RABGAP1L: variants seen among roughly 807,000 people sequenced by gnomAD.
RABGAP1L encodes the protein rab GTPase-activating protein 1-like.
A neutral mutation model predicts 137.7 loss-of-function variants in RABGAP1L; 63 were observed. The observed-to-expected ratio is 0.46, with a 90% CI of 0.37 to 0.56. RABGAP1L has a LOEUF of 0.56. RABGAP1L is among the 20% of genes least tolerant of loss of function. The pLI is 0.00. For synonymous variants in RABGAP1L, 431 were observed against 433.7 expected (o/e 0.99, Z 0.08); for missense variants, 1,095 against 1,244.0 (o/e 0.88, Z 1.80).
chr1:174,190,155 T>C (rs1361001643), intron 1 of RABGAP1L, among the ~76,000 whole-genome samples: 4 of 151,938 alleles, frequency 2.6e-5, no homozygotes, highest in Non-Finnish European at 5.9e-5. Context: ...ATACAAAAAT[T>C]AGCTGGGCAT....
At chr1:174,316,801 C>T (rs1389984212) in intron 11 of RABGAP1L, among the ~76,000 whole-genome samples, 1 of 152,088 alleles carries the variant, frequency 6.6e-6, no homozygotes, top group Admixed American at 6.6e-5. Context: ...AGTCAGGGAC[C>T]TTAGAATTCT....
At chr1:174,631,395 G>T in intron 13 of RABGAP1L, among the ~76,000 whole-genome samples, 1 of 127,010 alleles carries the variant, frequency 7.9e-6, no homozygotes. Flanking sequence ...GAGTTCTGTA[G>T]ATGTCTATTA....
chr1:174,527,919 T>TTA (rs397942853), intron 13 of RABGAP1L, among the ~76,000 whole-genome samples: 1 of 150,254 alleles, frequency 6.7e-6, no homozygotes, highest in South Asian at 2.1e-4. Context: ...TTTTTTTTTT[T>TTA]ACCTTATTTT....
chr1:174,537,866 C>G (rs1386566813), intron 13 of RABGAP1L, among the ~76,000 whole-genome samples: 4 of 152,116 alleles, frequency 2.6e-5, no homozygotes, highest in Admixed American at 6.5e-5. Flanking sequence ...CCATGAGTAT[C>G]AAGTGGCTTC....
intron 13 of RABGAP1L, among the ~76,000 whole-genome samples, chr1:174,541,921 C>G (rs1665490878): frequency 6.6e-6 from 1 of 152,192 alleles, no homozygotes; most frequent in African/African-American, 2.4e-5. Context: ...GTTGAACTAG[C>G]CTTGCATCCC....
intron 19 of RABGAP1L, among the ~76,000 whole-genome samples, chr1:174,831,593 A>T (rs952590436): frequency 4.7e-5 from 7 of 148,206 alleles, no homozygotes; most frequent in Non-Finnish European, 7.5e-5. Flanking sequence ...TCTTGTTTTA[A>T]TTCATCTCAA....
At chr1:174,739,166 C>G (rs1238610942) in intron 17 of RABGAP1L, among the ~76,000 whole-genome samples, 1 of 151,944 alleles carries the variant, frequency 6.6e-6, no homozygotes, top group Non-Finnish European at 1.5e-5. Context: ...TTGCTTGGCT[C>G]CTAATAAAGG....
intron 11 of RABGAP1L, among the ~76,000 whole-genome samples, chr1:174,359,049 T>C (rs1373883993): frequency 6.6e-6 from 1 of 152,228 alleles, no homozygotes; most frequent in Non-Finnish European, 1.5e-5. Context: ...AAGTAGGATT[T>C]AGCTAAGCCT....
intron 19 of RABGAP1L, among the ~76,000 whole-genome samples, chr1:174,824,704 G>A (rs1691393882): frequency 6.6e-6 from 1 of 151,988 alleles, no homozygotes; most frequent in African/African-American, 2.4e-5. Context: ...CTCCAACTCA[G>A]ATCCATTTAC....
rs1046137251 is a variant in RABGAP1L, at chr1:174,241,423, AAT to A, written c.543-57_543-56del. 1.2e-5 allele frequency: 14 copies of A among 1,210,050 alleles called. No homozygotes were observed. The African/African-American group carries it at 2.1e-4, about 19-fold the overall frequency. 75.0% of individuals were successfully genotyped at this position (1,210,050 alleles called of 1,614,324 possible). ...TTTTAAAAAAAAAAACCTAACTGGAAATATGTCTTTGTTCTTCGAGAATTAAT... is the reference window on the plus strand; with the variant it reads ...TTTTAAAAAAAAAAACCTAACTGGAAATGTCTTTGTTCTTCGAGAATTAAT... On this transcript the variant is annotated intron_variant, in intron 4 of 25. Transcript: ENST00000681986.
chr1:174,875,416 G>C (rs146256873), intron 19 of RABGAP1L: 1 of 489,856 alleles, frequency 2.0e-6, no homozygotes, highest in Non-Finnish European at 2.7e-6. Flanking sequence ...AGGCGCTGCT[G>C]AACTGCGGTT....
At chr1:174,436,562 G>A (rs1369415532) in intron 13 of RABGAP1L, among the ~76,000 whole-genome samples, 1 of 152,126 alleles carries the variant, frequency 6.6e-6, no homozygotes, top group East Asian at 1.9e-4. Flanking sequence ...TTAGCCCTTT[G>A]TCAGATGAGT....
chr1:174,721,199 C>G (rs1681506780), intron 17 of RABGAP1L, among the ~76,000 whole-genome samples: 1 of 151,996 alleles, frequency 6.6e-6, no homozygotes, highest in Non-Finnish European at 1.5e-5. Context: ...ACTTTCTGTC[C>G]CATATGAGAG....
intron 19 of RABGAP1L, among the ~76,000 whole-genome samples, chr1:174,854,133 G>A (rs1648854178): frequency 6.6e-6 from 1 of 152,094 alleles, no homozygotes; most frequent in African/African-American, 2.4e-5. Flanking sequence ...AACTAATTTG[G>A]GCCTCTGCAG....
intron 19 of RABGAP1L, among the ~76,000 whole-genome samples, chr1:174,841,655 G>A (rs990555868): frequency 2.0e-5 from 3 of 151,902 alleles, no homozygotes; most frequent in African/African-American, 7.2e-5. Flanking sequence ...AAATCAAAAA[G>A]TAGACAGGAA....
In RABGAP1L at chr1:174,303,032, G is replaced by T. The variant is rs1187461022; in HGVS notation, c.1324-1954G>T. 2.1e-5 allele frequency among the ~76,000 whole-genome samples: 3 copies of T among 143,200 alleles called. No homozygotes were observed. The Admixed American group carries it at 2.1e-4, about 10-fold the overall frequency. 93.9% of individuals were successfully genotyped at this position (143,200 alleles called of 152,430 possible). Reference sequence around the variant, plus strand: ...AAGTTGTGAGAAAATATCTGTTGGGGGCATTTTCTTTTTTTTTTTAACTTA... The same window carrying T: ...AAGTTGTGAGAAAATATCTGTTGGGTGCATTTTCTTTTTTTTTTTAACTTA... On this transcript the variant is annotated intron_variant, in intron 10 of 25. Transcript: ENST00000681986.
intron 12 of RABGAP1L, among the ~76,000 whole-genome samples, chr1:174,384,807 A>C (rs557472254): frequency 6.6e-6 from 1 of 152,198 alleles, no homozygotes; most frequent in Admixed American, 6.5e-5. Context: ...TATTGACTGA[A>C]TTTTTTGATG....
At chr1:174,898,789 T>C (rs939316158) in intron 19 of RABGAP1L, among the ~76,000 whole-genome samples, 1 of 152,222 alleles carries the variant, frequency 6.6e-6, no homozygotes, top group African/African-American at 2.4e-5. Context: ...ACTTAAGCCT[T>C]TTTAAAATGG....
At chr1:174,745,994 C>G (rs1282921548) in intron 17 of RABGAP1L, among the ~76,000 whole-genome samples, 1 of 152,188 alleles carries the variant, frequency 6.6e-6, no homozygotes, top group East Asian at 1.9e-4. Context: ...AACCCAGGTG[C>G]TGATGCACAC....
Sources: allele counts gnomAD v4.1 joint callset (sites outside exome capture counted in the v4.1 genomes callset), GRCh38; gene constraint gnomAD v4.1.1; transcripts MANE v1.5; gene names NCBI Gene and HGNC (gene_info 2026-07-23, HGNC 2026-07-21).